NRXN3: variants seen among roughly 807,000 people sequenced by gnomAD.
NRXN3 encodes the protein neurexin III.
In NRXN3, 32 loss-of-function variants were observed where a neutral mutation model predicts 137.6. The ratio of observed to expected loss-of-function variants is 0.23; its 90% CI spans 0.18 to 0.31. NRXN3 has a LOEUF of 0.31. Among genes scored for constraint, NRXN3 ranks in the 10% least tolerant of loss-of-function variants. NRXN3 has a pLI of 1.00. For synonymous variants in NRXN3, 798 were observed against 784.5 expected, an observed-to-expected ratio of 1.02 and a Z score of -0.29; for missense variants, 1,574 against 2,062.5, an observed-to-expected ratio of 0.76 and a Z score of 4.59.
At chr14:79,163,806 T>A (rs145994309) in intron 15 of NRXN3, among the ~76,000 whole-genome samples, 58 of 152,110 alleles carry the variant, frequency 3.8e-4, no homozygotes, top group African/African-American at 1.3e-3. Flanking sequence ...CAAAAGGTGG[T>A]ACAGTGAGGA....
At chr14:78,774,989 T>A (rs2153007315) in intron 8 of NRXN3, among the ~76,000 whole-genome samples, 1 of 152,288 alleles carries the variant, frequency 6.6e-6, no homozygotes, top group Middle Eastern at 3.4e-3. Flanking sequence ...GCTTAGATTT[T>A]AACTTTTTAA....
chr14:79,594,690 CA>C (rs57784227), intron 16 of NRXN3, among the ~76,000 whole-genome samples: 53 of 137,468 alleles, frequency 3.9e-4, no homozygotes, highest in Middle Eastern at 7.8e-3. Flanking sequence ...TCCAGGTCTT[CA>C]AAAAAAAATA....
chr14:78,912,180 T>C (rs2099240712), intron 10 of NRXN3, among the ~76,000 whole-genome samples: 1 of 151,534 alleles, frequency 6.6e-6, no homozygotes, highest in Non-Finnish European at 1.5e-5. Flanking sequence ...GTTTGGTTTT[T>C]TGTTCTTGCG....
chr14:79,335,005 C>T (rs777927270), intron 15 of NRXN3, among the ~76,000 whole-genome samples: 6 of 152,144 alleles, frequency 3.9e-5, no homozygotes, highest in Non-Finnish European at 7.3e-5. Flanking sequence ...CCTTGCCTGG[C>T]AGACAATTAT....
chr14:79,305,380 C>T (rs1332233098), intron 15 of NRXN3, among the ~76,000 whole-genome samples: 2 of 152,008 alleles, frequency 1.3e-5, no homozygotes, highest in African/African-American at 4.8e-5. Flanking sequence ...ACTTGGTTCT[C>T]AGAACATTCT....
intron 6 of NRXN3, among the ~76,000 whole-genome samples, chr14:78,684,026 A>C (rs995974852): frequency 1.1e-4 from 17 of 152,194 alleles, no homozygotes; most frequent in Non-Finnish European, 1.5e-5. Context: ...CTATTGAATA[A>C]AGATTCTCAC....
intron 4 of NRXN3, among the ~76,000 whole-genome samples, chr14:78,503,884 A>AACAT (rs2095929551): frequency 6.6e-6 from 1 of 152,184 alleles, no homozygotes; most frequent in Admixed American, 6.5e-5. Flanking sequence ...CTTGCGTGAT[A>AACAT]AGTTACATAG....
Position 78,988,059 on chromosome 14 carries a change from C to A in NRXN3, c.3180C>A (p.Asn1060Lys). 6.2e-7 allele frequency: 1 copy of A among 1,613,858 alleles called. No homozygotes were observed. The highest frequency in any genetic ancestry group is 2.2e-5 in the East Asian group (1 of 44,852). ...STTCQEDSCA[N>K]QGVCMQQWEG... ...CCTGCCAGGAAGATTCATGTGCCAA[C>A]CAGGGGGTCTGCATGCAACAATGGG... Residue 1060 changes from asparagine to lysine, a missense_variant, in exon 15 of 21, where the codon AAC (asparagine) becomes AAA (lysine). Asn to Lys is a moderately conservative substitution (Grantham distance 94). Coordinates refer to ENST00000335750, the MANE Select transcript of NRXN3 (RefSeq NM_001330195.2).
chr14:79,182,701 C>T (rs552319236), intron 15 of NRXN3, among the ~76,000 whole-genome samples: 2 of 152,232 alleles, frequency 1.3e-5, no homozygotes, highest in East Asian at 3.9e-4. Flanking sequence ...GGTTTGGAGA[C>T]CCCTTTTCTA....
chr14:79,290,773 G>A (rs997839499), intron 15 of NRXN3, among the ~76,000 whole-genome samples: 28 of 152,110 alleles, frequency 1.8e-4, no homozygotes, highest in African/African-American at 6.8e-4. Context: ...ATGAGCAAGC[G>A]GTGATAGGCA....
At chr14:79,385,884 G>A (rs1235571295) in intron 15 of NRXN3, among the ~76,000 whole-genome samples, 3 of 152,026 alleles carry the variant, frequency 2.0e-5, no homozygotes, top group Admixed American at 2.0e-4. Context: ...ATGCAGAAAA[G>A]GCGTTTGACA....
intron 16 of NRXN3, among the ~76,000 whole-genome samples, chr14:79,639,300 A>G (rs1433196311): frequency 6.6e-6 from 1 of 152,076 alleles, no homozygotes; most frequent in East Asian, 1.9e-4. Flanking sequence ...CTCTACAGAT[A>G]TTTTATCACC....
chr14:78,924,562 A>G (rs952612186), intron 10 of NRXN3, among the ~76,000 whole-genome samples: 1 of 152,152 alleles, frequency 6.6e-6, no homozygotes, highest in Non-Finnish European at 1.5e-5. Context: ...CATTATTTCT[A>G]TTCTGAACAT....
chr14:79,623,354 A>G (rs775250224), intron 16 of NRXN3, among the ~76,000 whole-genome samples: 6 of 152,162 alleles, frequency 3.9e-5, no homozygotes, highest in Non-Finnish European at 7.3e-5. Context: ...TATTTAGTCA[A>G]TTATCTGGTT....
At chr14:79,085,967 A>T (rs779302420) in intron 15 of NRXN3, among the ~76,000 whole-genome samples, 17 of 152,196 alleles carry the variant, frequency 1.1e-4, no homozygotes, top group Non-Finnish European at 2.4e-4. Context: ...TCATGTTCTC[A>T]TCTCTCATTT....
intron 9 of NRXN3, among the ~76,000 whole-genome samples, chr14:78,804,084 T>C (rs920393107): frequency 6.6e-6 from 1 of 152,238 alleles, no homozygotes; most frequent in Non-Finnish European, 1.5e-5. Flanking sequence ...TTTCTTGGTT[T>C]TTTGGAATCG....
At chr14:78,178,206 C>T (rs1324301921) in intron 1 of NRXN3, among the ~76,000 whole-genome samples, 1 of 152,206 alleles carries the variant, frequency 6.6e-6, no homozygotes, top group African/African-American at 2.4e-5. Context: ...TTCGTACCAC[C>T]TCCATGGGCC....
intron 15 of NRXN3, among the ~76,000 whole-genome samples, chr14:79,084,125 G>A (rs965796046): frequency 2.0e-5 from 3 of 151,956 alleles, no homozygotes; most frequent in Non-Finnish European, 4.4e-5. Context: ...TATTGCCCAG[G>A]CTGGTCTCAA....
Position 78,224,922 on chromosome 14 carries a change from G to A in NRXN3, c.-703-17469G>A, listed in dbSNP as rs1297009421. Among the ~76,000 whole-genome samples, 6 of 148,452 alleles carry A rather than the reference G, an allele frequency of 4.0e-5. No homozygotes were observed. The East Asian group carries it at 7.9e-4, about 20-fold the overall frequency. ...GCTGGGACTACAGGCACCCGCCACC[G>A]TGCCCGGCTAATTTTTTGTATTTTT... On this transcript the variant is annotated intron_variant, in intron 1 of 20. Transcript: ENST00000335750.
Sources: gnomAD v4.1 joint callset for allele counts (sites outside exome capture counted in the v4.1 genomes callset) on GRCh38, gnomAD v4.1.1 for gene constraint, MANE v1.5 for transcripts, NCBI Gene and HGNC (gene_info 2026-07-23, HGNC 2026-07-21) for gene names.